Variants in DNER observed in about 807,000 individuals in gnomAD.
The protein encoded by DNER is delta and Notch-like epidermal growth factor-related receptor.
In DNER, 33 loss-of-function variants were observed where a neutral mutation model predicts 78.2. The ratio of observed to expected loss-of-function variants is 0.42; its 90% CI spans 0.32 to 0.56. The LOEUF (loss-of-function observed/expected upper bound fraction) is 0.56. DNER is among the 20% of genes least tolerant of loss of function. The pLI, the probability that DNER is intolerant of heterozygous loss-of-function variation, is 0.11. For missense variants in DNER, 918 were observed against 975.3 expected (o/e 0.94, Z 0.78); for synonymous variants, 417 against 384.8 (o/e 1.08, Z -0.98).
At chr2:229,498,268 G>C (rs1184287234) in intron 6 of DNER, among the ~76,000 whole-genome samples, 1 of 152,094 alleles carries the variant, frequency 6.6e-6, no homozygotes, top group Admixed American at 6.5e-5. Flanking sequence ...GGTATAGAAG[G>C]AATGTAGCTC....
chr2:229,468,371 G>A (rs918824356), intron 7 of DNER, among the ~76,000 whole-genome samples: 1 of 152,204 alleles, frequency 6.6e-6, no homozygotes, highest in Non-Finnish European at 1.5e-5. Context: ...ACCTCCCCAA[G>A]TTGTTCTTGG....
intron 1 of DNER, among the ~76,000 whole-genome samples, chr2:229,619,803 G>A (rs950855911): frequency 5.9e-5 from 9 of 152,130 alleles, no homozygotes; most frequent in African/African-American, 2.2e-4. Context: ...TTAAATAATA[G>A]TGAATATAAA....
intron 1 of DNER, among the ~76,000 whole-genome samples, chr2:229,628,202 C>T (rs183746206): frequency 7.9e-4 from 120 of 152,198 alleles, no homozygotes; most frequent in Middle Eastern, 3.4e-3. Flanking sequence ...CATGAGACAC[C>T]GAGGTGAGCG....
At chr2:229,700,497 A>G (rs544104138) in intron 1 of DNER, among the ~76,000 whole-genome samples, 4 of 152,106 alleles carry the variant, frequency 2.6e-5, no homozygotes, top group Non-Finnish European at 4.4e-5. Flanking sequence ...TACCACACTC[A>G]GCTAATTTTT....
intron 6 of DNER, among the ~76,000 whole-genome samples, chr2:229,490,071 G>T (rs1198430768): frequency 1.3e-5 from 2 of 152,306 alleles, no homozygotes; most frequent in Non-Finnish European, 2.9e-5. Flanking sequence ...AGCGGAGGAA[G>T]TGGACATATG....
intron 1 of DNER, among the ~76,000 whole-genome samples, chr2:229,629,753 A>C (rs1411897373): frequency 6.6e-6 from 1 of 152,228 alleles, no homozygotes; most frequent in African/African-American, 2.4e-5. Context: ...CAGCACCCAG[A>C]AATGCAGTGA....
intron 10 of DNER, 104 bp downstream of exon 10, chr2:229,407,128 A>G (rs1308112791): frequency 1.0e-6 from 1 of 962,114 alleles, no homozygotes; most frequent in Non-Finnish European, 1.6e-6. Context: ...AATGGTGTTT[A>G]TATTTTGCAA....
intron 1 of DNER, among the ~76,000 whole-genome samples, chr2:229,618,917 A>G (rs988585850): frequency 6.6e-6 from 1 of 152,142 alleles, no homozygotes; most frequent in African/African-American, 2.4e-5. Context: ...GAGAATCACT[A>G]GAAGCCAGGA....
At chr2:229,630,424 C>T (rs1316393147) in intron 1 of DNER, among the ~76,000 whole-genome samples, 1 of 150,884 alleles carries the variant, frequency 6.6e-6, no homozygotes, top group Non-Finnish European at 1.5e-5. Context: ...TGCAGTGAGC[C>T]GAGATGGTGT....
At chr2:229,695,870 C>G (rs1005391894) in intron 1 of DNER, among the ~76,000 whole-genome samples, 2 of 152,182 alleles carry the variant, frequency 1.3e-5, no homozygotes, top group Non-Finnish European at 2.9e-5. Context: ...TGTTTATGAG[C>G]TTCTCTGGGC....
At chr2:229,486,955 A>G (rs1288826757) in intron 6 of DNER, among the ~76,000 whole-genome samples, 1 of 152,240 alleles carries the variant, frequency 6.6e-6, no homozygotes, top group African/African-American at 2.4e-5. Context: ...AATACAAGGT[A>G]CATGCTAGAG....
At chr2:229,692,733 T>G (rs1699599594) in intron 1 of DNER, among the ~76,000 whole-genome samples, 1 of 152,210 alleles carries the variant, frequency 6.6e-6, no homozygotes, top group Non-Finnish European at 1.5e-5. Flanking sequence ...GATGCAATGA[T>G]TACAGTTAAT....
chr2:229,593,010 A>G (rs371612489), intron 1 of DNER, among the ~76,000 whole-genome samples: 1 of 152,256 alleles, frequency 6.6e-6, no homozygotes. Context: ...CTGAAGGAAT[A>G]TATTAAGGGA....
chr2:229,399,154 A>G (rs1693211668), intron 10 of DNER, among the ~76,000 whole-genome samples: 1 of 151,882 alleles, frequency 6.6e-6, no homozygotes, highest in Admixed American at 6.6e-5. Flanking sequence ...TTATTTATGT[A>G]GAAAATCCCA....
At chr2:229,444,670 C>A (rs1054812361) in intron 8 of DNER, among the ~76,000 whole-genome samples, 3 of 152,110 alleles carry the variant, frequency 2.0e-5, no homozygotes, top group Non-Finnish European at 4.4e-5. Context: ...AGGCAGATAA[C>A]CTGAGGTCAG....
intron 4 of DNER, among the ~76,000 whole-genome samples, chr2:229,547,440 G>A (rs775488104): frequency 1.1e-4 from 17 of 152,144 alleles, no homozygotes; most frequent in Non-Finnish European, 1.9e-4. Flanking sequence ...CTGTGCTGGC[G>A]TCTTAGAATT....
intron 5 of DNER, among the ~76,000 whole-genome samples, chr2:229,526,839 T>A (rs1696220948): frequency 6.6e-6 from 1 of 152,162 alleles, no homozygotes; most frequent in Non-Finnish European, 1.5e-5. Flanking sequence ...AAAATGTCTG[T>A]CACAGCGCTG....
At chr2:229,541,752 C>T (rs1391943229) in intron 5 of DNER, among the ~76,000 whole-genome samples, 1 of 151,756 alleles carries the variant, frequency 6.6e-6, no homozygotes, top group Non-Finnish European at 1.5e-5. Context: ...CAACTCTTTC[C>T]TGAGTCTCCA....
chr2:229,549,596 G>A (rs533036480), intron 4 of DNER, among the ~76,000 whole-genome samples: 1 of 152,216 alleles, frequency 6.6e-6, no homozygotes, highest in Non-Finnish European at 1.5e-5. Context: ...ACCACATCCA[G>A]CCTATAATAT....
Sources: allele counts gnomAD v4.1 joint callset (sites outside exome capture counted in the v4.1 genomes callset), GRCh38; gene constraint gnomAD v4.1.1; transcripts MANE v1.5; gene names NCBI Gene and HGNC (gene_info 2026-07-23, HGNC 2026-07-21).